The following NRXN1 variants were observed in gnomAD, a reference collection of about 807,000 sequenced individuals.
NRXN1 encodes the protein neurexin-1.
NRXN1 carries 39 observed loss-of-function variants against 150.9 expected under a neutral mutation model. The ratio of observed to expected loss-of-function variants is 0.26; its 90% CI spans 0.20 to 0.34. The LOEUF is 0.34. Among genes scored for constraint, NRXN1 ranks in the 10% least tolerant of loss-of-function variants. The pLI is 1.00. For synonymous variants in NRXN1, 924 were observed against 757.0 expected (o/e 1.22, Z -3.62); for missense variants, 1,815 against 1,949.9 (o/e 0.93, Z 1.30).
At chr2:50,881,090 T>G (rs547226926) in intron 5 of NRXN1, among the ~76,000 whole-genome samples, 2 of 151,980 alleles carry the variant, frequency 1.3e-5, no homozygotes, top group African/African-American at 2.4e-5. Context: ...TTTATTCAGA[T>G]GAACTTACCC....
At chr2:50,807,785 C>T (rs1300565195) in intron 5 of NRXN1, among the ~76,000 whole-genome samples, 1 of 151,996 alleles carries the variant, frequency 6.6e-6, no homozygotes, top group Non-Finnish European at 1.5e-5. Context: ...GTTACTAGTA[C>T]AAAAGAAAGT....
intron 5 of NRXN1, among the ~76,000 whole-genome samples, chr2:50,749,543 A>C (rs1700360878): frequency 6.6e-6 from 1 of 152,082 alleles, no homozygotes; most frequent in Non-Finnish European, 1.5e-5. Flanking sequence ...GCTCAGAATA[A>C]AGAAAATATC....
intron 15 of NRXN1, among the ~76,000 whole-genome samples, chr2:50,495,223 T>C (rs529894117): frequency 6.6e-6 from 1 of 152,286 alleles, no homozygotes; most frequent in South Asian, 2.1e-4. Context: ...ACTTCAGTCA[T>C]TTCTCTTCTA....
At chr2:50,760,306 T>C (rs1701660307) in intron 5 of NRXN1, among the ~76,000 whole-genome samples, 1 of 151,866 alleles carries the variant, frequency 6.6e-6, no homozygotes, top group Non-Finnish European at 1.5e-5. Flanking sequence ...AGGGGCCTTG[T>C]ATTTTATGGC....
chr2:50,089,649 G>C (rs1043665457), intron 19 of NRXN1, among the ~76,000 whole-genome samples: 3 of 151,942 alleles, frequency 2.0e-5, no homozygotes, highest in African/African-American at 7.3e-5. Flanking sequence ...AATTAGCCAG[G>C]CATGGTGGTG....
At chr2:50,511,603 T>C (rs2092454521) in intron 12 of NRXN1, among the ~76,000 whole-genome samples, 1 of 152,180 alleles carries the variant, frequency 6.6e-6, no homozygotes, top group African/African-American at 2.4e-5. Context: ...ATTTCAGTTT[T>C]CCTTAATTCA....
At chr2:49,940,209 T>C (rs1160044994) in intron 22 of NRXN1, among the ~76,000 whole-genome samples, 1 of 152,134 alleles carries the variant, frequency 6.6e-6, no homozygotes, top group East Asian at 1.9e-4. Flanking sequence ...ATGGTGCATC[T>C]CCTTACAAAG....
chr2:50,611,824 A>G (rs535153218), intron 8 of NRXN1, among the ~76,000 whole-genome samples: 3 of 152,118 alleles, frequency 2.0e-5, no homozygotes, highest in Admixed American at 6.5e-5. Context: ...CTCCAGACCA[A>G]TTCAACCCGG....
rs185449289 is a variant in NRXN1, at chr2:50,489,065, C to T, written c.3070+6840G>A. On this transcript the variant is annotated intron_variant, in intron 15 of 22. Transcript: ENST00000401669. ...CCATCTAATCACCATCCTGCTGGGA[C>T]GTGGTAAACTGTCAGCTTATCATGA... Among the ~76,000 whole-genome samples the T allele has an allele frequency of 1.2e-4, 18 of 152,262 alleles. No individual in the cohort carries two copies. In the South Asian group the frequency reaches 2.1e-3, roughly 18 times the overall value.
chr2:50,671,992 C>T (rs1433821347), intron 5 of NRXN1, among the ~76,000 whole-genome samples: 5 of 151,766 alleles, frequency 3.3e-5, no homozygotes, highest in African/African-American at 9.7e-5. Context: ...TTTAAATAAA[C>T]TTTTTAAATA....
chr2:49,959,145 C>A (rs1675482237), intron 21 of NRXN1, among the ~76,000 whole-genome samples: 1 of 152,132 alleles, frequency 6.6e-6, no homozygotes, highest in Non-Finnish European at 1.5e-5. Flanking sequence ...GTCCAAGCAT[C>A]CTTATTGAAA....
intron 19 of NRXN1, among the ~76,000 whole-genome samples, chr2:50,067,837 C>A (rs981947480): frequency 4.6e-5 from 7 of 152,138 alleles, no homozygotes; most frequent in Non-Finnish European, 8.8e-5. Context: ...AACATTTAAA[C>A]CTATCCGCTC....
chr2:50,349,771 G>T (rs2078281504), intron 17 of NRXN1, among the ~76,000 whole-genome samples: 1 of 152,108 alleles, frequency 6.6e-6, no homozygotes, highest in Admixed American at 6.5e-5. Flanking sequence ...TCTCATACAG[G>T]TCTAACATAT....
chr2:50,927,926 G>A (rs1036122283), intron 2 of NRXN1, among the ~76,000 whole-genome samples: 6 of 151,832 alleles, frequency 4.0e-5, no homozygotes, highest in Non-Finnish European at 8.8e-5. Context: ...ACAGGCCCAG[G>A]CCTGACACCA....
At chr2:50,498,615 T>C (rs558500322) in intron 13 of NRXN1, among the ~76,000 whole-genome samples, 2 of 152,324 alleles carry the variant, frequency 1.3e-5, no homozygotes, top group South Asian at 4.1e-4. Flanking sequence ...AACCCATTAA[T>C]AGCAAACTTA....
At chr2:50,789,850 G>T (rs1480538349) in intron 5 of NRXN1, among the ~76,000 whole-genome samples, 2 of 152,016 alleles carry the variant, frequency 1.3e-5, no homozygotes, top group African/African-American at 4.8e-5. Context: ...AGATGAAGAA[G>T]GATCATTTTT....
intron 5 of NRXN1, among the ~76,000 whole-genome samples, chr2:50,887,548 A>G (rs1474587933): frequency 1.3e-5 from 2 of 151,418 alleles, no homozygotes; most frequent in African/African-American, 2.4e-5. Context: ...ATGGCTCACT[A>G]AAGTCTTTAG....
intron 17 of NRXN1, among the ~76,000 whole-genome samples, chr2:50,329,641 A>T (rs1558536656): frequency 3.3e-4 from 2 of 6,128 alleles, no homozygotes; most frequent in African/African-American, 1.3e-3. Flanking sequence ...ATATATATAT[A>T]TATATATATA....
chr2:50,145,371 T>C (rs887518004), intron 18 of NRXN1, among the ~76,000 whole-genome samples: 2 of 151,740 alleles, frequency 1.3e-5, no homozygotes, highest in African/African-American at 4.8e-5. Flanking sequence ...CATGGCGCTT[T>C]ACCTCTTAAA....
Sources: allele counts gnomAD v4.1 joint callset (sites outside exome capture counted in the v4.1 genomes callset), GRCh38; gene constraint gnomAD v4.1.1; transcripts MANE v1.5; gene names NCBI Gene and HGNC (gene_info 2026-07-23, HGNC 2026-07-21).